The following ATP8A2 variants were observed in gnomAD, a reference collection of about 807,000 sequenced individuals.
ATP8A2 encodes ATPase phospholipid transporting 8A2.
In ATP8A2, 100 loss-of-function variants were observed where a neutral mutation model predicts 165.6. The ratio of observed to expected loss-of-function variants is 0.60; its 90% CI spans 0.51 to 0.71. The LOEUF is 0.71. ATP8A2 is among the 30% of genes least tolerant of loss of function. The pLI is 0.00. For synonymous variants in ATP8A2, 543 were observed against 548.8 expected (o/e 0.99, Z 0.15); for missense variants, 1,227 against 1,479.5 (o/e 0.83, Z 2.80).
intron 10 of ATP8A2, among the ~76,000 whole-genome samples, chr13:25,548,561 G>A (rs1268810069): frequency 6.6e-6 from 1 of 152,214 alleles, no homozygotes; most frequent in Non-Finnish European, 1.5e-5. Context: ...GAGTTAGGAT[G>A]ACCAGTCCTG....
At chr13:25,824,789 G>T (rs1186502378) in intron 27 of ATP8A2, among the ~76,000 whole-genome samples, 3 of 151,678 alleles carry the variant, frequency 2.0e-5, no homozygotes, top group African/African-American at 7.3e-5. Flanking sequence ...TTTCTATACT[G>T]CCCTGCTGTC....
chr13:25,476,264 A>G (rs1410070777), intron 2 of ATP8A2, among the ~76,000 whole-genome samples: 1 of 152,052 alleles, frequency 6.6e-6, no homozygotes, highest in Admixed American at 6.6e-5. Flanking sequence ...AAGAAGCAAT[A>G]CCAGCATCCT....
Position 25,455,397 on chromosome 13 carries a change from G to A in ATP8A2, c.77-13580G>A, listed in dbSNP as rs12871628. Reference sequence around the variant, plus strand: ...TCTGTAATACTTGGCTCATTTGTAAGTAGTGCCTTTGGCAGAATGGTGAGC... The same window carrying A: ...TCTGTAATACTTGGCTCATTTGTAAATAGTGCCTTTGGCAGAATGGTGAGC... On this transcript the variant is annotated intron_variant, in intron 1 of 36. Transcript: ENST00000381655. Among the ~76,000 whole-genome samples, 1,502 of 152,330 alleles carry A rather than the reference G, an allele frequency of 9.9e-3. 12 individuals are homozygous for A. The highest frequency in any genetic ancestry group is 0.015 in the Non-Finnish European group (989 of 68,032).
intron 35 of ATP8A2, among the ~76,000 whole-genome samples, chr13:25,991,818 T>A (rs936772869): frequency 9.2e-5 from 14 of 152,214 alleles, no homozygotes; most frequent in Admixed American, 2.6e-4. Flanking sequence ...TACTGGCTTT[T>A]ATGTCAATAT....
chr13:25,532,448 G>C, intron 5 of ATP8A2, 131 bp downstream of exon 5: 1 of 613,938 alleles, frequency 1.6e-6, no homozygotes, highest in Non-Finnish European at 2.8e-6. Flanking sequence ...TAAAGAAATA[G>C]TAAAATAACA....
chr13:25,578,873 G>A lies in ATP8A2; in HGVS notation c.1841G>A (p.Cys614Tyr). Residue 614 changes from cysteine (C) to tyrosine (Y), a missense_variant, in exon 21 of 37, where the codon TGC becomes TAC. By Grantham distance (194) the Cys-to-Tyr change is radical. Coordinates refer to ENST00000381655, the MANE Select transcript of ATP8A2 (RefSeq NM_016529.6). ...TCAAAATATATGGAGGAAACATTAT[G>A]CCATCTGGAATACTTTGCCACGGAA... ...KDSKYMEETLCHLEYFATEGL... is the reference protein window; with the variant it reads ...KDSKYMEETLYHLEYFATEGL... 2 of 1,611,238 alleles carry A rather than the reference G, an allele frequency of 1.2e-6. No homozygotes were observed. The highest frequency in any genetic ancestry group is 8.5e-7 in the Non-Finnish European group (1 of 1,177,468).
intron 25 of ATP8A2, among the ~76,000 whole-genome samples, chr13:25,719,431 GTGGGTGGATGGGTGGA>G (rs546406468): frequency 1.6e-4 from 24 of 151,848 alleles, no homozygotes; most frequent in East Asian, 7.8e-4. Flanking sequence ...GAAAGGTTGG[GTGGGTGGATGGGTGGA>G]TGGGTGGATG....
chr13:25,539,060 A>AGTGT (rs57382485), intron 7 of ATP8A2, among the ~76,000 whole-genome samples: 9,759 of 137,354 alleles, frequency 0.071, 356 homozygotes, highest in Non-Finnish European at 0.081. Context: ...TAGAAAATTT[A>AGTGT]GTGTGTGTGT....
Position 25,687,816 on chromosome 13 carries a change from T to C in ATP8A2, c.2212-11357T>C, listed in dbSNP as rs185106500. Among the ~76,000 whole-genome samples, 826 of 152,336 alleles carry C rather than the reference T, an allele frequency of 5.4e-3. 4 individuals are homozygous for C. The highest frequency in any genetic ancestry group is 6.7e-3 in the Non-Finnish European group (459 of 68,026). ...CAGAGGTGATACCACAGGCAGAGGT[T>C]AGGCTCCCAGCATTCTAAGCCTCCT... On this transcript the variant is annotated intron_variant, in intron 24 of 36. Transcript: ENST00000381655.
intron 29 of ATP8A2, among the ~76,000 whole-genome samples, 195 bp downstream of exon 29, chr13:25,837,480 C>G (rs1452509687): frequency 2.7e-5 from 4 of 147,472 alleles, no homozygotes; most frequent in African/African-American, 1.0e-4. Flanking sequence ...CGCCACAAAC[C>G]CAGTGAATTC....
At chr13:25,612,057 A>G (rs993085129) in intron 24 of ATP8A2, among the ~76,000 whole-genome samples, 5 of 152,122 alleles carry the variant, frequency 3.3e-5, no homozygotes, top group African/African-American at 1.2e-4. Flanking sequence ...AGAATGGTCT[A>G]TCAATTTTAT....
chr13:25,418,322 A>G lies in ATP8A2; in HGVS notation c.76+46034A>G, dbSNP rs76556652. ...CTGACGTTTTCTTGCAGTCTTTTAA[A>G]GTCTATGGATAAATGGCAGTACCCT... On this transcript the variant is annotated intron_variant, in intron 1 of 36. Coordinates refer to ENST00000381655, the MANE Select transcript of ATP8A2 (RefSeq NM_016529.6). Among the ~76,000 whole-genome samples, 373 of 152,282 alleles carry G rather than the reference A, an allele frequency of 2.4e-3. 3 individuals carry two copies. Among genetic ancestry groups the G allele is most frequent in the African/African-American group, 8.7e-3 (360 of 41,564 alleles).
chr13:25,650,642 A>G (rs566739907), intron 24 of ATP8A2, among the ~76,000 whole-genome samples: 2 of 152,320 alleles, frequency 1.3e-5, no homozygotes, highest in African/African-American at 2.4e-5. Flanking sequence ...AATGTTTTAC[A>G]TTTAAGGATG....
intron 24 of ATP8A2, among the ~76,000 whole-genome samples, chr13:25,660,967 A>G (rs1462586609): frequency 1.3e-5 from 2 of 152,188 alleles, no homozygotes; most frequent in African/African-American, 4.8e-5. Context: ...CGTAGCTTGC[A>G]TATCAACAAC....
chr13:25,686,496 C>A (rs904158146), intron 24 of ATP8A2, among the ~76,000 whole-genome samples: 4 of 152,088 alleles, frequency 2.6e-5, no homozygotes, highest in Admixed American at 6.5e-5. Flanking sequence ...AGCACCTGGC[C>A]AAGAGCACGT....
At chr13:25,825,410 T>A (rs55947618) in intron 27 of ATP8A2, among the ~76,000 whole-genome samples, 76,644 of 151,548 alleles carry the variant, frequency 0.51, 20,324 homozygotes, top group South Asian at 0.62. Context: ...TCTCTCCCCC[T>A]GGCCTCCCAA....
chr13:25,475,445 T>A (rs2035966995), intron 2 of ATP8A2, among the ~76,000 whole-genome samples: 1 of 152,234 alleles, frequency 6.6e-6, no homozygotes, highest in Admixed American at 6.5e-5. Flanking sequence ...TGATTCCATG[T>A]CATTGCTATT....
At chr13:25,444,705 G>C (rs1208718620) in intron 1 of ATP8A2, among the ~76,000 whole-genome samples, 1 of 151,784 alleles carries the variant, frequency 6.6e-6, no homozygotes, top group Non-Finnish European at 1.5e-5. Flanking sequence ...GAGTGCAATG[G>C]TGTGATCTCA....
In ATP8A2 at chr13:25,892,478, G is replaced by GTCTCTCTGTCTCTCTCTCTCTCTC. The variant is rs1555286135; in HGVS notation, c.3183+30077_3183+30078insGTCTCTCTCTCTCTCTCTCTCTCT. Among the ~76,000 whole-genome samples the GTCTCTCTGTCTCTCTCTCTCTCTC allele has an allele frequency of 1.1e-3, 146 of 136,228 alleles. 2 individuals carry two copies. Among genetic ancestry groups the GTCTCTCTGTCTCTCTCTCTCTCTC allele is most frequent in the Admixed American group, 6.5e-3 (88 of 13,452 alleles). The allele number at this position is 136,228 out of a possible 152,430, so 89.4% of individuals were successfully genotyped here. A position where few individuals can be genotyped will look rare whatever the true frequency, so the allele number is the denominator to read the frequency against. Reference sequence around the variant, plus strand: ...CATTTCTCTCTCTCTCTGTCTCTCTGTCTCTCTCTCTCTCTCTCTCTCTCT... The same window carrying GTCTCTCTGTCTCTCTCTCTCTCTC: ...CATTTCTCTCTCTCTCTGTCTCTCTGTCTCTCTGTCTCTCTCTCTCTCTCTCTCTCTCTCTCTCTCTCTCTCTCT... On this transcript the variant is annotated intron_variant, in intron 33 of 36. Transcript: ENST00000381655.
Sources: allele counts gnomAD v4.1 joint callset (sites outside exome capture counted in the v4.1 genomes callset), GRCh38; gene constraint gnomAD v4.1.1; transcripts MANE v1.5; gene names NCBI Gene and HGNC (gene_info 2026-07-23, HGNC 2026-07-21).